The following CTNNA2 variants were observed in gnomAD, a reference collection of about 807,000 sequenced individuals.
CTNNA2 encodes the protein catenin alpha 2, also known as catenin alpha-2.
Under a neutral mutation model 101.0 loss-of-function variants are expected in CTNNA2, and 42 were observed. The observed-to-expected ratio is 0.42, with a 90% CI of 0.32 to 0.54. The LOEUF is 0.54. Among genes scored for constraint, CTNNA2 ranks in the 20% least tolerant of loss-of-function variants. The probability of loss-of-function intolerance (pLI) is 0.14; values close to 1 mark genes in which losing one functional copy is unlikely to be tolerated. For synonymous variants in CTNNA2, 450 were observed against 456.4 expected, an observed-to-expected ratio of 0.99 and a Z score of 0.18; for missense variants, 871 against 1,223.1, an observed-to-expected ratio of 0.71 and a Z score of 4.29.
upstream of CTNNA2, among the ~76,000 whole-genome samples, chr2:79,509,757 G>T (rs1671495474): frequency 6.6e-6 from 1 of 152,184 alleles, no homozygotes; most frequent in Admixed American, 6.5e-5. Context: ...GGACTTTGGT[G>T]ATGATGATGT....
intron 3 of CTNNA2, among the ~76,000 whole-genome samples, chr2:79,755,041 C>T (rs569384622): frequency 7.0e-6 from 1 of 142,920 alleles, no homozygotes; most frequent in Admixed American, 6.9e-5. Context: ...TGATACTATT[C>T]ACAGCCGGGT....
At chr2:79,891,197 G>A (rs982001487) in intron 6 of CTNNA2, among the ~76,000 whole-genome samples, 1 of 151,976 alleles carries the variant, frequency 6.6e-6, no homozygotes, top group African/African-American at 2.4e-5. Context: ...ATAGTTGGGA[G>A]GTTTTAACTA....
At chr2:79,373,092 G>T (rs1278357414) in intron 3 of CTNNA2, among the ~76,000 whole-genome samples, 9 of 152,168 alleles carry the variant, frequency 5.9e-5, no homozygotes, top group African/African-American at 1.7e-4. Context: ...GTAATAAATT[G>T]TTATAATGGT....
chr2:80,359,558 AG>A (rs1235313100), intron 7 of CTNNA2, among the ~76,000 whole-genome samples: 8 of 151,980 alleles, frequency 5.3e-5, no homozygotes, highest in Admixed American at 1.3e-4. Flanking sequence ...TAAAAGTGTG[AG>A]CACCTGCCCC....
At chr2:80,491,358 C>A (rs781020148) in intron 9 of CTNNA2, among the ~76,000 whole-genome samples, 5 of 152,148 alleles carry the variant, frequency 3.3e-5, no homozygotes, top group African/African-American at 1.2e-4. Flanking sequence ...GGTGGGAGAA[C>A]GGCATGATCA....
intron 18 of CTNNA2, among the ~76,000 whole-genome samples, chr2:80,631,332 C>T (rs1230602266): frequency 2.0e-5 from 3 of 146,564 alleles, no homozygotes; most frequent in Non-Finnish European, 4.5e-5. Flanking sequence ...ATTGCATGAA[C>T]TTGAGGCTTT....
chr2:79,417,150 T>G (rs755505686), intron 4 of CTNNA2, among the ~76,000 whole-genome samples: 3 of 152,012 alleles, frequency 2.0e-5, no homozygotes, highest in Non-Finnish European at 4.4e-5. Context: ...GAAAGGGAAT[T>G]TAAGGGATAT....
intron 7 of CTNNA2, among the ~76,000 whole-genome samples, chr2:80,060,224 C>T (rs1266340941): frequency 2.6e-5 from 4 of 152,176 alleles, no homozygotes; most frequent in Non-Finnish European, 5.9e-5. Context: ...GCAGAAACCA[C>T]CCTTGTAAGA....
chr2:80,018,409 A>G (rs1230331349), intron 7 of CTNNA2, among the ~76,000 whole-genome samples: 1 of 152,170 alleles, frequency 6.6e-6, no homozygotes, highest in Non-Finnish European at 1.5e-5. Flanking sequence ...TGTGCCTTTC[A>G]CCACTCGTAA....
intron 7 of CTNNA2, among the ~76,000 whole-genome samples, chr2:79,982,661 G>A (rs1408037438): frequency 6.6e-6 from 1 of 151,720 alleles, no homozygotes; most frequent in Non-Finnish European, 1.5e-5. Context: ...GTGCTATGCC[G>A]GTGGCACCCC....
At position 79,930,284 on chromosome 2, in the gene CTNNA2, G is replaced by A. The variant is rs13026964; in HGVS notation, c.1056+20487G>A. ...AAAGAAAGAAAGAAAGAAAGAGAGAGAGAGAGAAAGAGAAAGAAAGAAAGA... is the reference window on the plus strand; with the variant it reads ...AAAGAAAGAAAGAAAGAAAGAGAGAAAGAGAGAAAGAGAAAGAAAGAAAGA... On this transcript the variant is annotated intron_variant, in intron 7 of 18. Coordinates refer to ENST00000402739, the MANE Select transcript of CTNNA2 (RefSeq NM_001282597.3). Among the ~76,000 whole-genome samples the A allele has an allele frequency of 5.3e-3, 382 of 71,492 alleles. 1 individual carries two copies. Among genetic ancestry groups the A allele is most frequent in the Middle Eastern group, 0.025 (3 of 120 alleles). 46.9% of individuals were successfully genotyped at this position (71,492 alleles called of 152,430 possible). A position where few individuals can be genotyped will look rare whatever the true frequency, so the allele number is the denominator to read the frequency against.
chr2:79,320,215 C>T (rs182624075), intron 3 of CTNNA2, among the ~76,000 whole-genome samples: 5 of 150,504 alleles, frequency 3.3e-5, no homozygotes, highest in South Asian at 2.1e-4. Flanking sequence ...AGCATCTTTG[C>T]GGAGCACACA....
At chr2:79,929,777 T>G (rs1215682142) in intron 7 of CTNNA2, among the ~76,000 whole-genome samples, 1 of 152,204 alleles carries the variant, frequency 6.6e-6, no homozygotes, top group African/African-American at 2.4e-5. Flanking sequence ...GGCTTTTAGA[T>G]GATCAGGCTG....
intron 1 of CTNNA2, among the ~76,000 whole-genome samples, chr2:79,651,160 C>A (rs1202912772): frequency 1.1e-4 from 16 of 152,144 alleles, no homozygotes; most frequent in Admixed American, 1.0e-3. Flanking sequence ...CAACATGTGT[C>A]ACACTGAGAC....
intron 4 of CTNNA2, among the ~76,000 whole-genome samples, chr2:79,434,802 C>G (rs2104513164): frequency 6.6e-6 from 1 of 152,244 alleles, no homozygotes; most frequent in Admixed American, 6.5e-5. Flanking sequence ...AATACTTCAC[C>G]CACTTTCCTG....
intron 4 of CTNNA2, among the ~76,000 whole-genome samples, chr2:79,423,573 T>C (rs572750239): frequency 5.3e-5 from 8 of 152,324 alleles, no homozygotes; most frequent in Non-Finnish European, 7.3e-5. Context: ...TATGTAGATA[T>C]AAAAATTGAA....
intron 6 of CTNNA2, among the ~76,000 whole-genome samples, chr2:79,896,062 C>T (rs1359378051): frequency 6.6e-6 from 1 of 152,002 alleles, no homozygotes; most frequent in Non-Finnish European, 1.5e-5. Flanking sequence ...GGAGGTGGAT[C>T]GCCTGAGTCT....
At chr2:79,807,898 C>T (rs1676704253) in intron 3 of CTNNA2, among the ~76,000 whole-genome samples, 1 of 152,104 alleles carries the variant, frequency 6.6e-6, no homozygotes, top group Non-Finnish European at 1.5e-5. Context: ...AAACTTCTTA[C>T]TTTGATATCA....
chr2:79,475,606 C>T (rs187791706), intron 4 of CTNNA2, among the ~76,000 whole-genome samples: 53 of 152,060 alleles, frequency 3.5e-4, no homozygotes, highest in African/African-American at 1.2e-3. Context: ...AAAAATTTTC[C>T]CTTGGTATGA....
Sources: allele counts gnomAD v4.1 joint callset (sites outside exome capture counted in the v4.1 genomes callset), GRCh38; gene constraint gnomAD v4.1.1; transcripts MANE v1.5; gene names NCBI Gene and HGNC (gene_info 2026-07-23, HGNC 2026-07-21).